The following CBFA2T2 variants were observed in gnomAD, a reference collection of about 807,000 sequenced individuals.
The protein encoded by CBFA2T2 is CBFA2/RUNX1 partner transcriptional co-repressor 2, also known as protein CBFA2T2.
Under a neutral mutation model 62.2 loss-of-function variants are expected in CBFA2T2, and 11 were observed. That is an observed-to-expected ratio of 0.18 (90% CI 0.11 to 0.29). The LOEUF is 0.29. Among genes scored for constraint, CBFA2T2 ranks in the 10% least tolerant of loss-of-function variants. The pLI, the probability that CBFA2T2 is intolerant of heterozygous loss-of-function variation, is 1.00. For synonymous variants in CBFA2T2, 295 were observed against 287.5 expected (o/e 1.03, Z -0.27); for missense variants, 592 against 774.1 (o/e 0.76, Z 2.79).
chr20:33,579,799 GTCTCTC>G (rs200197175), intron 1 of CBFA2T2, among the ~76,000 whole-genome samples: 20 of 147,286 alleles, frequency 1.4e-4, no homozygotes, highest in Admixed American at 4.1e-4. Flanking sequence ...ACATCTTGGT[GTCTCTC>G]TCTCTCTCTC....
intron 1 of CBFA2T2, among the ~76,000 whole-genome samples, chr20:33,581,439 G>C (rs1394574474): frequency 6.6e-6 from 1 of 152,082 alleles, no homozygotes; most frequent in Non-Finnish European, 1.5e-5. Context: ...TTTCATACCT[G>C]TGATTTGTAC....
At chr20:33,501,811 T>C (rs2011288221) in intron 1 of CBFA2T2, among the ~76,000 whole-genome samples, 1 of 151,748 alleles carries the variant, frequency 6.6e-6, no homozygotes, top group Non-Finnish European at 1.5e-5. Flanking sequence ...AGCTAATTTT[T>C]GTATTTTTAG....
intron 1 of CBFA2T2, among the ~76,000 whole-genome samples, chr20:33,536,969 T>G (rs2012267914): frequency 6.9e-6 from 1 of 144,686 alleles, no homozygotes; most frequent in African/African-American, 2.6e-5. Flanking sequence ...CTAGACGGGA[T>G]GGCGGCCGGG....
chr20:33,564,998 C>T (rs1473939382), intron 1 of CBFA2T2, among the ~76,000 whole-genome samples: 8 of 152,050 alleles, frequency 5.3e-5, no homozygotes, highest in Non-Finnish European at 1.2e-4. Context: ...CGACTGACTG[C>T]AAGCTCCACC....
intron 1 of CBFA2T2, among the ~76,000 whole-genome samples, chr20:33,514,387 G>T (rs760013997): frequency 6.6e-6 from 1 of 151,708 alleles, no homozygotes; most frequent in Non-Finnish European, 1.5e-5. Flanking sequence ...GCTAATTTTT[G>T]TATTTTTAGT....
intron 10 of CBFA2T2, 110 bp downstream of exon 10, chr20:33,640,641 A>C: frequency 4.3e-5 from 40 of 938,962 alleles, no homozygotes; most frequent in Non-Finnish European, 5.9e-5. Flanking sequence ...TCTTGAGCTC[A>C]ATGAGGATAA....
At chr20:33,630,824 G>A (rs2016419818) in intron 8 of CBFA2T2, among the ~76,000 whole-genome samples, 1 of 152,184 alleles carries the variant, frequency 6.6e-6, no homozygotes, top group South Asian at 2.1e-4. Flanking sequence ...CTAAAAGACT[G>A]TAAGGAAAAC....
At chr20:33,535,722 G>C in intron 1 of CBFA2T2, among the ~76,000 whole-genome samples, 1 of 149,786 alleles carries the variant, frequency 6.7e-6, no homozygotes, top group South Asian at 2.1e-4. Context: ...CGCAGAGGGG[G>C]AGTTGGCAGG....
chr20:33,628,890 CAG>C (rs2016348894), intron 7 of CBFA2T2, among the ~76,000 whole-genome samples: 2 of 152,336 alleles, frequency 1.3e-5, no homozygotes, highest in South Asian at 4.1e-4. Context: ...TGAGGAATTA[CAG>C]AGTCACTCCC....
At chr20:33,640,164 C>G (rs1304120801) in intron 9 of CBFA2T2, among the ~76,000 whole-genome samples, 177 bp from the exon 10 acceptor site, 1 of 152,224 alleles carries the variant, frequency 6.6e-6, no homozygotes, top group African/African-American at 2.4e-5. Context: ...CCACCTCCAT[C>G]TCCGTACCCA....
intron 1 of CBFA2T2, among the ~76,000 whole-genome samples, chr20:33,591,808 T>C (rs1164259303): frequency 1.4e-5 from 2 of 143,402 alleles, no homozygotes; most frequent in African/African-American, 5.1e-5. Context: ...AATCTGATAC[T>C]TTCCCAAGTC....
chr20:33,627,905 T>TC (rs1029702574), intron 6 of CBFA2T2, among the ~76,000 whole-genome samples: 1 of 152,072 alleles, frequency 6.6e-6, no homozygotes, highest in African/African-American at 2.4e-5. Flanking sequence ...ATCAAAACTA[T>TC]CCCCCCACCA....
intron 1 of CBFA2T2, among the ~76,000 whole-genome samples, chr20:33,556,588 T>A (rs1357902887): frequency 1.3e-5 from 2 of 152,196 alleles, no homozygotes; most frequent in Non-Finnish European, 1.5e-5. Context: ...GTGGTGATTT[T>A]CTTTTTTCTA....
intron 2 of CBFA2T2, among the ~76,000 whole-genome samples, chr20:33,609,449 C>A (rs1240868846): frequency 6.6e-6 from 1 of 152,022 alleles, no homozygotes; most frequent in African/African-American, 2.4e-5. Context: ...TTGCAGTAAG[C>A]TGAGATTAAA....
chr20:33,596,982 T>C (rs2014922563), intron 1 of CBFA2T2, among the ~76,000 whole-genome samples: 1 of 150,398 alleles, frequency 6.6e-6, no homozygotes, highest in African/African-American at 2.4e-5. Context: ...TAGAGTACAG[T>C]GGCACAATCA....
At chr20:33,644,228 G>C (rs1438921220) in intron 10 of CBFA2T2, 119 bp from the exon 11 acceptor site, 1 of 1,071,956 alleles carries the variant, frequency 9.3e-7, no homozygotes. Flanking sequence ...GACCACAGGT[G>C]TATGTAGTTC....
At chr20:33,593,227 G>A (rs1181005015) in intron 1 of CBFA2T2, among the ~76,000 whole-genome samples, 1 of 151,998 alleles carries the variant, frequency 6.6e-6, no homozygotes, top group Non-Finnish European at 1.5e-5. Context: ...AGCTACTCAG[G>A]AGGCTGAGGC....
chr20:33,536,891 G>T (rs1341129652), intron 1 of CBFA2T2, among the ~76,000 whole-genome samples: 1 of 150,754 alleles, frequency 6.6e-6, no homozygotes, highest in East Asian at 2.0e-4. Flanking sequence ...AGACGGGATG[G>T]CGGCCGGGAA....
intron 6 of CBFA2T2, 119 bp from the exon 7 acceptor site, chr20:33,628,231 A>G (rs2016319218): frequency 1.4e-6 from 1 of 697,036 alleles, no homozygotes; most frequent in Non-Finnish European, 2.6e-6. Context: ...CCCCATTGTG[A>G]ATCATTGCCT....
Sources: allele counts gnomAD v4.1 joint callset (sites outside exome capture counted in the v4.1 genomes callset), GRCh38; gene constraint gnomAD v4.1.1; transcripts MANE v1.5; gene names NCBI Gene and HGNC (gene_info 2026-07-23, HGNC 2026-07-21).